Variants in NAALADL2 observed in about 807,000 individuals in gnomAD.
NAALADL2 encodes inactive N-acetylated-alpha-linked acidic dipeptidase-like protein 2.
A neutral mutation model predicts 87.2 loss-of-function variants in NAALADL2; 76 were observed. The observed-to-expected ratio is 0.87, with a 90% CI of 0.72 to 1.05. The LOEUF is 1.05. Ranked by LOEUF, NAALADL2 falls within the 50% of genes least tolerant of loss-of-function variation. NAALADL2 has a pLI of 0.00. For missense variants in NAALADL2, 1,089 were observed against 945.8 expected, an observed-to-expected ratio of 1.15 and a Z score of -1.99; for synonymous variants, 354 against 331.0, an observed-to-expected ratio of 1.07 and a Z score of -0.75.
At chr3:175,004,563 G>A (rs1748751446) in intron 1 of NAALADL2, among the ~76,000 whole-genome samples, 1 of 151,758 alleles carries the variant, frequency 6.6e-6, no homozygotes, top group Non-Finnish European at 1.5e-5. Flanking sequence ...TTAATGGTAT[G>A]TCATATTTTT....
chr3:174,753,092 C>T (rs539415744), intron 3 of NAALADL2, among the ~76,000 whole-genome samples: 4 of 152,164 alleles, frequency 2.6e-5, no homozygotes, highest in South Asian at 4.1e-4. Context: ...TTGTTGATCC[C>T]CTTTTTGCTT....
Position 175,002,909 on chromosome 3 carries a change from C to T in NAALADL2, c.44-93881C>T, listed in dbSNP as rs186538629. ...GCAGGCATGTATAAGTATAAACTTG[C>T]GTGACAGGCAAAACCTTGCATCCTC... On this transcript the variant is annotated intron_variant, in intron 1 of 13. Transcript: ENST00000454872. Among the ~76,000 whole-genome samples the T allele has an allele frequency of 3.1e-4, 47 of 152,196 alleles. No homozygotes were observed. In the East Asian group the frequency reaches 7.3e-3, roughly 24 times the overall value.
At chr3:175,644,068 A>T (rs1729650295) in intron 11 of NAALADL2, among the ~76,000 whole-genome samples, 1 of 152,026 alleles carries the variant, frequency 6.6e-6, no homozygotes, top group African/African-American at 2.4e-5. Flanking sequence ...GAGTGCCATT[A>T]TGTATGTGTG....
chr3:174,454,442 C>T (rs779844357), intron 1 of NAALADL2, among the ~76,000 whole-genome samples: 3 of 152,124 alleles, frequency 2.0e-5, no homozygotes, highest in Non-Finnish European at 2.9e-5. Context: ...ATACATTCTT[C>T]TCATCACCAC....
intron 2 of NAALADL2, among the ~76,000 whole-genome samples, chr3:174,667,545 G>GGTTT: frequency 8.1e-6 from 1 of 123,770 alleles, no homozygotes; most frequent in Non-Finnish European, 1.6e-5. Flanking sequence ...ATGGGAGAGA[G>GGTTT]TTTTTTTTTT....
chr3:174,921,989 G>A (rs1282758189), intron 1 of NAALADL2, among the ~76,000 whole-genome samples: 1 of 151,744 alleles, frequency 6.6e-6, no homozygotes, highest in East Asian at 1.9e-4. Flanking sequence ...AAAAACATAT[G>A]TATGAGACAA....
intron 5 of NAALADL2, among the ~76,000 whole-genome samples, chr3:175,375,131 G>C (rs533829188): frequency 3.4e-4 from 51 of 152,180 alleles, no homozygotes; most frequent in Admixed American, 7.2e-4. Flanking sequence ...TTCTGTTCCA[G>C]TGAGCTGTTT....
rs149380095 is a variant in NAALADL2, at chr3:174,642,123, A to C, written c.-115+91486A>C. ...ATTCACATGAATGACAGTGAGACAC[A>C]CAATGCTTTCTAAAGACTGGTATTA... On this transcript the variant is annotated intron_variant, in intron 2 of 3. Coordinates refer to the NAALADL2 transcript ENST00000434257. Among the ~76,000 whole-genome samples the C allele has an allele frequency of 7.5e-3, 1,135 of 152,274 alleles. 14 individuals carry two copies. Among genetic ancestry groups the C allele is most frequent in the African/African-American group, 0.026 (1,078 of 41,550 alleles).
At chr3:174,801,989 A>G (rs1305748717) in intron 3 of NAALADL2, among the ~76,000 whole-genome samples, 2 of 152,082 alleles carry the variant, frequency 1.3e-5, no homozygotes, top group Admixed American at 6.6e-5. Context: ...GAATAATTTA[A>G]TCTGTGAATA....
chr3:175,005,963 A>G (rs1748963576), intron 1 of NAALADL2, among the ~76,000 whole-genome samples: 1 of 152,220 alleles, frequency 6.6e-6, no homozygotes, highest in Non-Finnish European at 1.5e-5. Flanking sequence ...AGCAGTAAAT[A>G]TGTTTCCAAT....
chr3:174,495,447 T>C (rs1578023642), intron 1 of NAALADL2, among the ~76,000 whole-genome samples: 2 of 152,202 alleles, frequency 1.3e-5, no homozygotes, highest in East Asian at 3.8e-4. Flanking sequence ...GCCCTGTTCT[T>C]GAACACGTTT....
intron 5 of NAALADL2, among the ~76,000 whole-genome samples, chr3:175,337,032 C>A (rs920722992): frequency 6.6e-6 from 1 of 151,588 alleles, no homozygotes; most frequent in African/African-American, 2.4e-5. Context: ...AAATTTTTCA[C>A]CTGCTCCACA....
At chr3:175,726,772 CTG>C (rs1330483097) in intron 11 of NAALADL2, among the ~76,000 whole-genome samples, 2 of 152,082 alleles carry the variant, frequency 1.3e-5, no homozygotes, top group Admixed American at 6.6e-5. Context: ...TCCTGGTAAA[CTG>C]GAGATGGTGT....
chr3:175,349,009 A>G (rs1763450416), intron 5 of NAALADL2, among the ~76,000 whole-genome samples: 1 of 152,192 alleles, frequency 6.6e-6, no homozygotes, highest in Non-Finnish European at 1.5e-5. Flanking sequence ...TTCCCTATGC[A>G]TATACGTAGA....
chr3:175,117,917 A>G (rs1278241354), intron 2 of NAALADL2, among the ~76,000 whole-genome samples: 2 of 152,120 alleles, frequency 1.3e-5, no homozygotes, highest in Non-Finnish European at 2.9e-5. Context: ...TGTACACACC[A>G]TGGAATACTA....
intron 2 of NAALADL2, among the ~76,000 whole-genome samples, chr3:174,613,426 T>TA (rs765370790): frequency 5.6e-5 from 7 of 125,156 alleles, no homozygotes; most frequent in Non-Finnish European, 1.1e-4. Context: ...GGGACTAGAG[T>TA]AAAAAAACCT....
chr3:175,689,701 G>A lies in NAALADL2; in HGVS notation c.1897-47605G>A, dbSNP rs1736790036. Among the ~76,000 whole-genome samples, 2 of 152,122 alleles carry A rather than the reference G, an allele frequency of 1.3e-5. 1 individual carries two copies. Among genetic ancestry groups the A allele is most frequent in the South Asian group, 4.1e-4 (2 of 4,834 alleles). On this transcript the variant is annotated intron_variant, in intron 11 of 13. Coordinates refer to ENST00000454872, the MANE Select transcript of NAALADL2 (RefSeq NM_207015.3). ...GTTTCCTTTCTTCTTGGTAAGGAGA[G>A]TTGCACTGGTCTCCGATGTTTAGAG... is the stretch of plus-strand genomic sequence containing the variant.
intron 2 of NAALADL2, among the ~76,000 whole-genome samples, chr3:175,137,275 T>A (rs1275628082): frequency 6.6e-6 from 1 of 152,144 alleles, no homozygotes; most frequent in Non-Finnish European, 1.5e-5. Flanking sequence ...CACAAGGATG[T>A]ATAATTTTTT....
At chr3:175,538,978 G>A (rs1405834641) in intron 9 of NAALADL2, among the ~76,000 whole-genome samples, 9 of 152,086 alleles carry the variant, frequency 5.9e-5, no homozygotes, top group Admixed American at 5.2e-4. Flanking sequence ...TTCTACAAAA[G>A]GTAACAGTTT....
Sources: allele counts gnomAD v4.1 joint callset (sites outside exome capture counted in the v4.1 genomes callset), GRCh38; gene constraint gnomAD v4.1.1; transcripts MANE v1.5; gene names NCBI Gene and HGNC (gene_info 2026-07-23, HGNC 2026-07-21).